Variants in GOLM1 observed in about 807,000 individuals in gnomAD.
GOLM1 encodes the protein epididymis luminal protein 46.
GOLM1 carries 31 observed loss-of-function variants against 50.5 expected under a neutral mutation model. The ratio of observed to expected loss-of-function variants is 0.61; its 90% confidence interval spans 0.46 to 0.83. The LOEUF is 0.83. Ranked by LOEUF, GOLM1 falls within the 40% of genes least tolerant of loss-of-function variation. The pLI, the probability that GOLM1 is intolerant of heterozygous loss-of-function variation, is 0.00. For synonymous variants in GOLM1, 178 were observed against 192.8 expected (o/e 0.92, Z 0.64); for missense variants, 491 against 501.3 (o/e 0.98, Z 0.20).
chr9:86,057,164 TGAA>T (rs1441010309), intron 3 of GOLM1, among the ~76,000 whole-genome samples: 1 of 152,148 alleles, frequency 6.6e-6, no homozygotes, highest in East Asian at 1.9e-4. Context: ...AGAATCTGGG[TGAA>T]TTACCCATGT....
In GOLM1 at chr9:86,027,426, C is replaced by T; in HGVS notation, c.*391G>A. The T allele has an allele frequency of 9.8e-7, 1 of 1,018,952 alleles. No individual in the cohort carries two copies. Among genetic ancestry groups the T allele is most frequent in the Non-Finnish European group, 1.2e-6 (1 of 851,874 alleles). 63.1% of individuals were successfully genotyped at this position (1,018,952 alleles called of 1,614,324 possible). On this transcript the variant is annotated 3_prime_UTR_variant, in exon 10 of 10. Coordinates refer to ENST00000388712, the MANE Select transcript of GOLM1 (RefSeq NM_016548.4). ...ACAGCACGTGGACAGGACGACGGAA[C>T]CCAGAGTTCTCTGTCTCTCCTTCAC...
At position 86,027,895 on chromosome 9, in the gene GOLM1, TA is replaced by T. The variant is rs1564337769; in HGVS notation, c.1130-3del. On this transcript the variant is annotated splice_region_variant and splice_polypyrimidine_tract_variant and intron_variant, in intron 9 of 9. Coordinates refer to ENST00000388712, the MANE Select transcript of GOLM1 (RefSeq NM_016548.4). ...TTTTCTGATCTTCAACATTAAAAACTAAAAAGGAAAAACACATAATATTCTA... is the reference window on the plus strand; with the variant it reads ...TTTTCTGATCTTCAACATTAAAAACTAAAAGGAAAAACACATAATATTCTA... 6.4e-7 allele frequency: 1 copy of T among 1,557,074 alleles called. No individual in the cohort carries two copies. The highest frequency in any genetic ancestry group is 8.9e-7 in the Non-Finnish European group (1 of 1,128,792).
chr9:86,088,858 G>A (rs925250329), intron 1 of GOLM1, among the ~76,000 whole-genome samples: 5 of 152,132 alleles, frequency 3.3e-5, no homozygotes, highest in African/African-American at 9.6e-5. Context: ...TCATAGTGTC[G>A]ATGGTCTTTA....
At chr9:86,070,583 C>A (rs1445411848) in intron 3 of GOLM1, among the ~76,000 whole-genome samples, 79 of 149,842 alleles carry the variant, frequency 5.3e-4, no homozygotes, top group African/African-American at 1.6e-3. Context: ...AAAAAAAAAA[C>A]AAAAAAAACC....
chr9:86,086,243 TA>T (rs2118880279), intron 1 of GOLM1, among the ~76,000 whole-genome samples: 1 of 152,380 alleles, frequency 6.6e-6, no homozygotes, highest in South Asian at 2.1e-4. Flanking sequence ...CTTTTGTTCA[TA>T]TGTTTGTTGG....
intron 6 of GOLM1, among the ~76,000 whole-genome samples, chr9:86,040,218 CTA>C: frequency 6.6e-6 from 1 of 152,084 alleles, no homozygotes; most frequent in Non-Finnish European, 1.5e-5. Flanking sequence ...TGTAAATTTT[CTA>C]TGGGTGAATC....
chr9:86,093,383 A>G (rs1439333453), intron 1 of GOLM1, among the ~76,000 whole-genome samples: 1 of 151,542 alleles, frequency 6.6e-6, no homozygotes, highest in Non-Finnish European at 1.5e-5. Context: ...CTCAAAAAAA[A>G]AAAAAAAAAA....
intron 4 of GOLM1, among the ~76,000 whole-genome samples, chr9:86,047,591 A>G (rs1833593245): frequency 1.3e-5 from 2 of 152,124 alleles, no homozygotes; most frequent in Non-Finnish European, 2.9e-5. Flanking sequence ...GGCAGCTGCC[A>G]TGTTGACTGC....
At chr9:86,092,730 T>C (rs1036710667) in intron 1 of GOLM1, among the ~76,000 whole-genome samples, 6 of 152,120 alleles carry the variant, frequency 3.9e-5, no homozygotes, top group Admixed American at 6.5e-5. Flanking sequence ...GTAGAAACCC[T>C]TGCTGCTGAA....
chr9:86,043,967 A>G (rs559084464), intron 5 of GOLM1, among the ~76,000 whole-genome samples: 1 of 152,282 alleles, frequency 6.6e-6, no homozygotes, highest in Non-Finnish European at 1.5e-5. Context: ...AGGATGAATA[A>G]TAAGACTGAG....
chr9:86,033,940 G>A (rs1423238119), intron 8 of GOLM1, among the ~76,000 whole-genome samples: 1 of 151,694 alleles, frequency 6.6e-6, no homozygotes, highest in Non-Finnish European at 1.5e-5. Flanking sequence ...TATTTTATAT[G>A]TGTATGCAGG....
At position 86,033,314 on chromosome 9, in the gene GOLM1, G is replaced by C. The variant is rs886824270; in HGVS notation, c.1097C>G (p.Ala366Gly). ...GTTTCTGTCATTCCCTGCCAGGGCT[G>C]CTTGCTTGTCTGTCTCAGATTCTGC... is the stretch of plus-strand genomic sequence containing the variant. ...NEAESETDKQ[A>G]ALAGNDRNID... Residue 366 changes from alanine (A) to glycine (G), a missense_variant, in exon 9 of 10, where the codon GCA (alanine) becomes GGA (glycine). By Grantham distance (60) the Ala-to-Gly change is moderately conservative. Transcript: ENST00000388712. 2.5e-6 allele frequency: 4 copies of C among 1,610,994 alleles called. No homozygotes were observed. Among genetic ancestry groups the C allele is most frequent in the Non-Finnish European group, 3.4e-6 (4 of 1,177,124 alleles).
intron 3 of GOLM1, among the ~76,000 whole-genome samples, chr9:86,059,194 T>G (rs543883097): frequency 2.0e-5 from 3 of 152,082 alleles, no homozygotes; most frequent in Admixed American, 6.5e-5. Flanking sequence ...CACTTGTAGG[T>G]GTACACCCAA....
At chr9:86,041,463 A>C (rs1346398657) in intron 5 of GOLM1, among the ~76,000 whole-genome samples, 2 of 151,786 alleles carry the variant, frequency 1.3e-5, no homozygotes, top group Non-Finnish European at 2.9e-5. Context: ...ACTCAGACAA[A>C]CTCCGGACCA....
At chr9:86,035,075 G>A (rs1833091765) in intron 8 of GOLM1, 1 of 985,174 alleles carries the variant, frequency 1.0e-6, no homozygotes, top group African/African-American at 1.7e-5. Flanking sequence ...CTGCCAGGAG[G>A]GGGCGTCCAC....
intron 3 of GOLM1, among the ~76,000 whole-genome samples, chr9:86,070,954 C>T (rs1000014808): frequency 6.6e-6 from 1 of 152,138 alleles, no homozygotes; most frequent in Admixed American, 6.5e-5. Context: ...AGAGGATGTA[C>T]AACCATCCAG....
chr9:86,083,242 C>A (rs531641213), intron 1 of GOLM1, among the ~76,000 whole-genome samples: 13 of 152,316 alleles, frequency 8.5e-5, no homozygotes, highest in Non-Finnish European at 1.2e-4. Flanking sequence ...CTCCTCTAGG[C>A]TTTAAACCAT....
chr9:86,027,439 G>GTCTC lies in GOLM1; in HGVS notation c.*374_*377dup. The GTCTC allele has an allele frequency of 2.0e-6, 2 of 1,023,022 alleles. No homozygotes were observed. The highest frequency in any genetic ancestry group is 2.3e-6 in the Non-Finnish European group (2 of 854,534). The allele number at this position is 1,023,022 out of a possible 1,614,324, so 63.4% of individuals were successfully genotyped here. On this transcript the variant is annotated 3_prime_UTR_variant, in exon 10 of 10. Coordinates refer to ENST00000388712, the MANE Select transcript of GOLM1 (RefSeq NM_016548.4). Reference sequence around the variant, plus strand: ...AGGACGACGGAACCCAGAGTTCTCTGTCTCTCCTTCACAGCAGATGGACTC... The same window carrying GTCTC: ...AGGACGACGGAACCCAGAGTTCTCTGTCTCTCTCTCCTTCACAGCAGATGGACTC...
chr9:86,086,587 T>C (rs1384086362), intron 1 of GOLM1, among the ~76,000 whole-genome samples: 2 of 151,746 alleles, frequency 1.3e-5, no homozygotes, highest in Non-Finnish European at 2.9e-5. Context: ...TGGTTTTAGG[T>C]CTTACGTTTA....
Sources: gnomAD v4.1 joint callset for allele counts (sites outside exome capture counted in the v4.1 genomes callset) on GRCh38, gnomAD v4.1.1 for gene constraint, MANE v1.5 for transcripts, NCBI Gene and HGNC (gene_info 2026-07-23, HGNC 2026-07-21) for gene names.